Variants in MMGT1 observed in about 807,000 individuals in gnomAD.
MMGT1 encodes ER membrane protein complex subunit 5.
A neutral mutation model predicts 11.7 loss-of-function variants in MMGT1; 2 were observed. The ratio of observed to expected loss-of-function variants is 0.17; its 90% CI spans 0.07 to 0.54. The LOEUF (loss-of-function observed/expected upper bound fraction) is 0.54. Among genes scored for constraint, MMGT1 ranks in the 20% least tolerant of loss-of-function variants. The pLI is 0.94. For synonymous variants in MMGT1, 49 were observed against 44.4 expected (o/e 1.10, Z -0.41); for missense variants, 74 against 109.0 (o/e 0.68, Z 1.43).
In MMGT1 at chrX:135,967,210, C is replaced by A. The variant is rs187363502; in HGVS notation, c.236+180G>T. On this transcript the variant is annotated intron_variant, in intron 3 of 3. Coordinates refer to ENST00000305963, the MANE Select transcript of MMGT1 (RefSeq NM_173470.3). ...CTGTGAATAATCTGGCATTCATCTT[C>A]CATTTTCTTACAGTATCAAATACCG... is the stretch of plus-strand genomic sequence containing the variant. Among the ~76,000 whole-genome samples, 100 of 112,417 alleles carry A rather than the reference C, an allele frequency of 8.9e-4. 1 individual carries two copies. The highest frequency in any genetic ancestry group is 3.2e-3 in the African/African-American group (99 of 30,986).
intron 3 of MMGT1, among the ~76,000 whole-genome samples, chrX:135,966,086 A>G (rs1312160490): frequency 4.5e-5 from 5 of 112,307 alleles, no homozygotes; most frequent in Non-Finnish European, 7.5e-5. Flanking sequence ...TGATGACAGT[A>G]AAGTATCCTT....
In MMGT1 at chrX:135,965,180, T is replaced by C. The variant is rs1159641602; in HGVS notation, c.240A>G (p.Thr80=). The C allele has an allele frequency of 2.5e-6, 3 of 1,193,007 alleles. No homozygotes were observed. Among genetic ancestry groups the C allele is most frequent in the Non-Finnish European group, 2.3e-6 (2 of 883,687 alleles). ...MDATSELKNK[T]FDTLRNHPSF... ...ATGGGTGATTCCTTAACGTATCAAATGTCCTTGAAAGAAGAAAAAAGCATC... is the reference window on the plus strand; with the variant it reads ...ATGGGTGATTCCTTAACGTATCAAACGTCCTTGAAAGAAGAAAAAAGCATC... The change falls in exon 4 of 4, where the codon ACA becomes ACG. Residue 80 remains threonine, a synonymous_variant. Transcript: ENST00000305963.
intron 1 of MMGT1, among the ~76,000 whole-genome samples, chrX:135,972,675 C>T (rs1409166192): frequency 8.9e-6 from 1 of 112,086 alleles, no homozygotes; most frequent in Non-Finnish European, 1.9e-5. Context: ...GTATCCTAAT[C>T]TCTTCCAGGA....
At chrX:135,967,588 G>C (rs1234120828) in intron 2 of MMGT1, 95 bp from the exon 3 acceptor site, 3 of 445,260 alleles carry the variant, frequency 6.7e-6, no homozygotes. Flanking sequence ...CTAACAGGTA[G>C]TCCTCTCAGG....
At chrX:135,968,472 T>C (rs1225754590) in intron 2 of MMGT1, among the ~76,000 whole-genome samples, 1 of 107,352 alleles carries the variant, frequency 9.3e-6, no homozygotes, top group Non-Finnish European at 1.9e-5. Context: ...CTTTTGTGTC[T>C]AGCTTTCCTC....
Position 135,961,503 on chromosome X carries a change from T to A in MMGT1, c.*3521A>T, listed in dbSNP as rs1247322129. 9.0e-6 allele frequency among the ~76,000 whole-genome samples: 1 copy of A among 111,462 alleles called. No homozygotes were observed. Among genetic ancestry groups the A allele is most frequent in the Non-Finnish European group, 1.9e-5 (1 of 53,038 alleles). ...TTTTATACCTTTCTGTACCATCTGA[T>A]CTTTTCGCCATGTGCATACATCATC... On this transcript the variant is annotated 3_prime_UTR_variant, in exon 4 of 4. Coordinates refer to ENST00000305963, the MANE Select transcript of MMGT1 (RefSeq NM_173470.3).
At chrX:135,967,698 T>C (rs1409474050) in intron 2 of MMGT1, among the ~76,000 whole-genome samples, 2 of 111,987 alleles carry the variant, frequency 1.8e-5, no homozygotes, top group African/African-American at 6.5e-5. Context: ...CCTCTGATGC[T>C]TCAATAAATA....
In MMGT1 at chrX:135,961,242, C is replaced by T. The variant is rs1446251857; in HGVS notation, c.*3782G>A. ...ATTCAAACATTAGAATACCACACAG[C>T]CGCTAAAAATAATGAGGTATTTTTA... On this transcript the variant is annotated 3_prime_UTR_variant, in exon 4 of 4. Coordinates refer to ENST00000305963, the MANE Select transcript of MMGT1 (RefSeq NM_173470.3). Among the ~76,000 whole-genome samples the T allele has an allele frequency of 9.0e-6, 1 of 111,029 alleles. No homozygotes were observed. Among genetic ancestry groups the T allele is most frequent in the Non-Finnish European group, 1.9e-5 (1 of 52,913 alleles).
At chrX:135,968,537 G>GTGTGT (rs1277874372) in intron 2 of MMGT1, among the ~76,000 whole-genome samples, 2 of 105,296 alleles carry the variant, frequency 1.9e-5, no homozygotes, top group Admixed American at 2.0e-4. Context: ...GTGTGTGTGT[G>GTGTGT]TTTTCTTTTT....
chrX:135,965,816 T>C (rs2089182111), intron 3 of MMGT1, among the ~76,000 whole-genome samples: 1 of 112,160 alleles, frequency 8.9e-6, no homozygotes, highest in Non-Finnish European at 1.9e-5. Flanking sequence ...GCATGTCGAA[T>C]AGTCTTTTTA....
intron 2 of MMGT1, among the ~76,000 whole-genome samples, chrX:135,970,479 T>G (rs782698252): frequency 8.9e-6 from 1 of 112,618 alleles, no homozygotes; most frequent in South Asian, 3.6e-4. Flanking sequence ...TTCTAAGAAA[T>G]AAAGCTAAAT....
rs936448209 is a variant in MMGT1, at chrX:135,964,112, G to A, written c.*912C>T. 3 of 112,673 alleles carry A rather than the reference G, an allele frequency of 2.7e-5. No homozygotes were observed. Among genetic ancestry groups the A allele is most frequent in the African/African-American group, 9.7e-5 (3 of 31,058 alleles). The allele number at this position is 112,673 out of a possible 1,213,427, so 9.3% of individuals were successfully genotyped here. On this transcript the variant is annotated 3_prime_UTR_variant, in exon 4 of 4. Transcript: ENST00000305963. ...CCAATTCCTTTGAACTCTGTCTTTA[G>A]ATTAATGACGAGTTTCCTTTATTTC...
At chrX:135,966,286 T>C (rs916138671) in intron 3 of MMGT1, among the ~76,000 whole-genome samples, 6 of 112,318 alleles carry the variant, frequency 5.3e-5, no homozygotes, top group Non-Finnish European at 9.4e-5. Flanking sequence ...AGGCCTGATA[T>C]GTAACTCCTT....
intron 2 of MMGT1, 126 bp downstream of exon 2, chrX:135,970,932 A>G (rs1208358352): frequency 1.1e-5 from 5 of 473,001 alleles, no homozygotes; most frequent in African/African-American, 7.2e-5. Flanking sequence ...AAAGAAAAGA[A>G]AAGTGGAGAT....
In MMGT1 at chrX:135,961,400, G is replaced by C. The variant is rs1556611367; in HGVS notation, c.*3624C>G. 9.0e-6 allele frequency among the ~76,000 whole-genome samples: 1 copy of C among 111,414 alleles called. No homozygotes were observed. The highest frequency in any genetic ancestry group is 3.3e-5 in the African/African-American group (1 of 30,653). The stretch of plus-strand genomic sequence containing the variant: ...ATTTGCTGATAAAAAATAAAAAATT[G>C]TTTTCCTGTGAGTACAAGACACTTG... On this transcript the variant is annotated 3_prime_UTR_variant, in exon 4 of 4. Transcript: ENST00000305963.
At chrX:135,968,468 T>G (rs1295463245) in intron 2 of MMGT1, among the ~76,000 whole-genome samples, 2 of 108,971 alleles carry the variant, frequency 1.8e-5, no homozygotes, top group Non-Finnish European at 3.8e-5. Flanking sequence ...TATTCTTTTG[T>G]GTCTAGCTTT....
chrX:135,967,879 C>T (rs782089725), intron 2 of MMGT1, among the ~76,000 whole-genome samples: 4 of 109,646 alleles, frequency 3.6e-5, no homozygotes, highest in African/African-American at 1.0e-4. Context: ...GTTTTTGAGA[C>T]GAAGTTTCCC....
In MMGT1 at chrX:135,964,989, T is replaced by G. The variant is rs1569523246; in HGVS notation, c.*35A>C. On this transcript the variant is annotated 3_prime_UTR_variant, in exon 4 of 4. Transcript: ENST00000305963. The stretch of plus-strand genomic sequence containing the variant: ...ACCCCAAACTCCAATATTCCAGCTC[T>G]GTGTCCTGTCCTATTATTATAATTT... 1.7e-6 allele frequency: 2 copies of G among 1,177,709 alleles called. No individual in the cohort carries two copies. The highest frequency in any genetic ancestry group is 2.3e-6 in the Non-Finnish European group (2 of 867,332).
Position 135,964,966 on chromosome X carries a change from C to T in MMGT1, c.*58G>A. On this transcript the variant is annotated 3_prime_UTR_variant, in exon 4 of 4. Coordinates refer to ENST00000305963, the MANE Select transcript of MMGT1 (RefSeq NM_173470.3). ...GGGGGCAGGGAGGAGTGTTTTATAC[C>T]CCAAACTCCAATATTCCAGCTCTGT... The T allele has an allele frequency of 1.8e-6, 2 of 1,081,621 alleles. No individual in the cohort carries two copies. Among genetic ancestry groups the T allele is most frequent in the Non-Finnish European group, 2.5e-6 (2 of 788,803 alleles). 89.1% of individuals were successfully genotyped at this position (1,081,621 alleles called of 1,213,427 possible). A position where few individuals can be genotyped will look rare whatever the true frequency, so the allele number is the denominator to read the frequency against.
Sources: allele counts gnomAD v4.1 joint callset (sites outside exome capture counted in the v4.1 genomes callset), GRCh38; gene constraint gnomAD v4.1.1; transcripts MANE v1.5; gene names NCBI Gene and HGNC (gene_info 2026-07-23, HGNC 2026-07-21).